TMPRSS11B: variants seen among roughly 807,000 people sequenced by gnomAD.
TMPRSS11B encodes transmembrane serine protease 11B, also known as transmembrane protease serine 11B.
In TMPRSS11B, 53 loss-of-function variants were observed where a neutral mutation model predicts 44.7. That is an observed-to-expected ratio of 1.19 (90% CI 0.95 to 1.49). TMPRSS11B has a LOEUF of 1.49. Among genes scored for constraint, TMPRSS11B ranks in the 40% most tolerant of loss-of-function variants. TMPRSS11B has a pLI of 0.00. For synonymous variants in TMPRSS11B, 140 were observed against 159.2 expected, an observed-to-expected ratio of 0.88 and a Z score of 0.91; for missense variants, 526 against 494.8, an observed-to-expected ratio of 1.06 and a Z score of -0.60.
chr4:68,232,343 C>G (rs781629926), intron 6 of TMPRSS11B, 35 bp downstream of exon 6: 1 of 1,587,546 alleles, frequency 6.3e-7, no homozygotes, highest in Non-Finnish European at 8.6e-7. Flanking sequence ...ACCTGTGAGT[C>G]CATCAAATTT....
chr4:68,229,450 C>A lies in TMPRSS11B; in HGVS notation c.753G>T (p.Arg251=), dbSNP rs1346439904. 2 of 1,613,686 alleles carry A rather than the reference C, an allele frequency of 1.2e-6. No individual in the cohort carries two copies. Among genetic ancestry groups the A allele is most frequent in the South Asian group, 1.1e-5 (1 of 91,072 alleles). The stretch of plus-strand genomic sequence containing the variant: ...CATGAAAAATAATGTTTTGGACTTT[C>A]CGTGTCATATATGGTTTATTTACTA... ...GIVVNKPYMT[R]KVQNIIFHEN... Residue 251 remains arginine (R), a synonymous_variant, in exon 8 of 10, where the codon CGG becomes CGT. Coordinates refer to ENST00000332644, the MANE Select transcript of TMPRSS11B (RefSeq NM_182502.3).
intron 9 of TMPRSS11B, 146 bp from the exon 10 acceptor site, chr4:68,228,218 T>A (rs1719410742): frequency 1.2e-5 from 9 of 735,032 alleles, no homozygotes; most frequent in Non-Finnish European, 1.9e-5. Context: ...GACTTTTTTT[T>A]AAAACACAAG....
intron 2 of TMPRSS11B, among the ~76,000 whole-genome samples, chr4:68,237,938 G>A (rs776602372): frequency 1.2e-4 from 19 of 152,036 alleles, no homozygotes; most frequent in Non-Finnish European, 2.2e-4. Flanking sequence ...AATTGCTTGG[G>A]CCCAGGAGTT....
chr4:68,240,320 G>C (rs1044733048), intron 2 of TMPRSS11B, among the ~76,000 whole-genome samples: 1 of 152,148 alleles, frequency 6.6e-6, no homozygotes, highest in Non-Finnish European at 1.5e-5. Flanking sequence ...TTACCACAGC[G>C]TTTGTGTCCA....
In TMPRSS11B at chr4:68,232,430, AC is replaced by A. The variant is rs746835735; in HGVS notation, c.470-15del. 3.1e-6 allele frequency: 5 copies of A among 1,609,454 alleles called. No homozygotes were observed. The African/African-American group carries it at 5.4e-5, about 17-fold the overall frequency. On this transcript the variant is annotated splice_polypyrimidine_tract_variant and intron_variant, in intron 5 of 9. Transcript: ENST00000332644. ...CCTTGCTGATTTCTGAAAGTGAAAA[AC>A]AAAACAAAATATAAAATTGAGCAAA...
chr4:68,244,455 T>A (rs1409039348), intron 1 of TMPRSS11B, among the ~76,000 whole-genome samples: 1 of 152,126 alleles, frequency 6.6e-6, no homozygotes, highest in African/African-American at 2.4e-5. Context: ...TGAAACCCCA[T>A]CTCTACCAAA....
chr4:68,240,231 T>C (rs1719787549), intron 2 of TMPRSS11B, among the ~76,000 whole-genome samples: 1 of 152,200 alleles, frequency 6.6e-6, no homozygotes, highest in African/African-American at 2.4e-5. Flanking sequence ...TTATTCTCAA[T>C]ATTAACAAAT....
intron 3 of TMPRSS11B, 34 bp downstream of exon 3, chr4:68,236,117 A>G (rs1425325630): frequency 1.3e-6 from 2 of 1,562,554 alleles, no homozygotes; most frequent in Admixed American, 1.8e-5. Flanking sequence ...AATCAAATTT[A>G]TAATAAAATT....
In TMPRSS11B at chr4:68,228,091, A is replaced by C. The variant is rs767148305; in HGVS notation, c.1090-19T>G. 2.5e-6 allele frequency: 4 copies of C among 1,582,132 alleles called. No individual in the cohort carries two copies. In the Admixed American group the frequency reaches 7.7e-5, roughly 30 times the overall value. On this transcript the variant is annotated intron_variant, in intron 9 of 9. Transcript: ENST00000332644. ...AATCATTCTAGAAGAAGAAAAGAAA[A>C]AAATGTTTCTTGTCTTAACAAAAAA...
At chr4:68,229,198 G>A (rs1577974587) in intron 8 of TMPRSS11B, 59 bp downstream of exon 8, 8 of 1,326,954 alleles carry the variant, frequency 6.0e-6, no homozygotes, top group Admixed American at 2.5e-5. Context: ...TTGATTGATT[G>A]ATTGATTGAT....
chr4:68,237,014 G>C (rs780689960), intron 2 of TMPRSS11B, among the ~76,000 whole-genome samples: 1 of 151,384 alleles, frequency 6.6e-6, no homozygotes, highest in Non-Finnish European at 1.5e-5. Flanking sequence ...AGGTATACAC[G>C]TGCCATAGTG....
chr4:68,236,087 AC>A lies in TMPRSS11B; in HGVS notation c.241-19del, dbSNP rs757790284. 9 of 1,582,446 alleles carry A rather than the reference AC, an allele frequency of 5.7e-6. No individual in the cohort carries two copies. Among genetic ancestry groups the A allele is most frequent in the Admixed American group, 3.5e-5 (2 of 56,568 alleles). On this transcript the variant is annotated intron_variant, in intron 3 of 9. Transcript: ENST00000332644. Reference sequence around the variant, plus strand: ...TTTAACATCTGACAAGAGAAAAAAAACAGTCATCATGTATGTTTCAATCAAA... The same window carrying A: ...TTTAACATCTGACAAGAGAAAAAAAAAGTCATCATGTATGTTTCAATCAAA...
chr4:68,244,484 G>A (rs1210223692), intron 1 of TMPRSS11B, among the ~76,000 whole-genome samples: 1 of 152,166 alleles, frequency 6.6e-6, no homozygotes, highest in Non-Finnish European at 1.5e-5. Flanking sequence ...AAATCAGCCG[G>A]GTGTGGTGGT....
intron 4 of TMPRSS11B, among the ~76,000 whole-genome samples, chr4:68,235,629 C>T (rs966625797): frequency 1.3e-5 from 2 of 152,108 alleles, no homozygotes; most frequent in African/African-American, 4.8e-5. Flanking sequence ...AAGGTATGGG[C>T]TAAAAACAAA....
intron 2 of TMPRSS11B, among the ~76,000 whole-genome samples, chr4:68,240,028 T>G (rs541025129): frequency 3.3e-5 from 5 of 152,240 alleles, no homozygotes; most frequent in African/African-American, 1.2e-4. Context: ...ATGATCTTTG[T>G]GAAATACTTA....
intron 1 of TMPRSS11B, among the ~76,000 whole-genome samples, chr4:68,242,959 T>G (rs1719900843): frequency 1.3e-5 from 2 of 152,192 alleles, no homozygotes; most frequent in Non-Finnish European, 2.9e-5. Flanking sequence ...AGCCAATCAA[T>G]TAGTTGAAAC....
Position 68,245,579 on chromosome 4 carries a change from AG to A in TMPRSS11B, c.-22del. ...TACATAATGTTCTGATTGTTATGGC[AG>A]TATCAGGTATAACGGTGGTAATGAT... On this transcript the variant is annotated 5_prime_UTR_variant, in exon 1 of 10. In the 5' UTR this introduces an upstream ATG that the reference lacks. Transcript: ENST00000332644. 6.2e-7 allele frequency: 1 copy of A among 1,613,048 alleles called. No homozygotes were observed. The highest frequency in any genetic ancestry group is 2.2e-5 in the East Asian group (1 of 44,846).
chr4:68,227,976 T>C lies in TMPRSS11B; in HGVS notation c.1186A>G (p.Lys396Glu). 6.2e-7 allele frequency: 1 copy of C among 1,614,012 alleles called. No individual in the cohort carries two copies. The highest frequency in any genetic ancestry group is 8.5e-7 in the Non-Finnish European group (1 of 1,179,984). ...SWGDGCGKKN[K>E]PGVYTRVTSY... ...GTCACTCGAGTATAGACACCTGGCTTATTCTTTTTACCACATCCATCACCC... is the reference window on the plus strand; with the variant it reads ...GTCACTCGAGTATAGACACCTGGCTCATTCTTTTTACCACATCCATCACCC... Residue 396 changes from lysine (K) to glutamate (E), a missense_variant, in exon 10 of 10, where the codon AAG becomes GAG. Lys to Glu is a moderately conservative substitution (Grantham distance 56). Transcript: ENST00000332644.
intron 1 of TMPRSS11B, 104 bp downstream of exon 1, chr4:68,245,447 A>T: frequency 4.7e-6 from 6 of 1,279,494 alleles, no homozygotes; most frequent in Non-Finnish European, 6.8e-6. Context: ...TCCAGGAATA[A>T]AAACTAAATT....
Sources: gnomAD v4.1 joint callset for allele counts (sites outside exome capture counted in the v4.1 genomes callset) on GRCh38, gnomAD v4.1.1 for gene constraint, MANE v1.5 for transcripts, NCBI Gene and HGNC (gene_info 2026-07-23, HGNC 2026-07-21) for gene names.